Variants in CCSER1 observed in about 807,000 individuals in gnomAD.
CCSER1 encodes the protein coiled-coil serine rich protein 1.
Under a neutral mutation model 82.0 loss-of-function variants are expected in CCSER1, and 41 were observed. That is an observed-to-expected ratio of 0.50 (90% CI 0.39 to 0.65). The LOEUF is 0.65. Ranked by LOEUF, CCSER1 falls within the 30% of genes least tolerant of loss-of-function variation. The pLI is 0.00. For missense variants in CCSER1, 1,119 were observed against 1,064.2 expected (o/e 1.05, Z -0.72); for synonymous variants, 414 against 383.9 (o/e 1.08, Z -0.92).
chr4:90,801,173 A>G (rs1292253996), intron 7 of CCSER1, among the ~76,000 whole-genome samples: 3 of 152,178 alleles, frequency 2.0e-5, no homozygotes, highest in Non-Finnish European at 4.4e-5. Flanking sequence ...AACTTTTCCA[A>G]AAAATGTAGG....
intron 10 of CCSER1, among the ~76,000 whole-genome samples, chr4:91,089,235 A>T: frequency 6.6e-6 from 1 of 152,300 alleles, no homozygotes; most frequent in East Asian, 1.9e-4. Flanking sequence ...ATCAGAGTGA[A>T]ACAGAACAGA....
At chr4:91,482,230 G>A (rs6419128) in intron 10 of CCSER1, among the ~76,000 whole-genome samples, 79,810 of 139,916 alleles carry the variant, frequency 0.57, 23,206 homozygotes, top group East Asian at 0.86. Flanking sequence ...GTAAAACCCC[G>A]TCTCTACTAA....
At chr4:90,496,147 C>T (rs9994105) in intron 5 of CCSER1, among the ~76,000 whole-genome samples, 456 of 152,222 alleles carry the variant, frequency 3.0e-3, no homozygotes, top group African/African-American at 0.011. Context: ...AGCAAAACCA[C>T]GATGGATGCC....
intron 4 of CCSER1, among the ~76,000 whole-genome samples, chr4:90,437,981 C>A (rs1409709080): frequency 6.6e-6 from 1 of 152,078 alleles, no homozygotes; most frequent in Non-Finnish European, 1.5e-5. Flanking sequence ...GGGTTTACCA[C>A]TTAGTAGCTG....
At chr4:90,827,954 G>C (rs62311073) in intron 8 of CCSER1, among the ~76,000 whole-genome samples, 4 of 151,984 alleles carry the variant, frequency 2.6e-5, no homozygotes, top group Admixed American at 2.6e-4. Context: ...TTATAGGAGA[G>C]TAAATGGTTT....
intron 10 of CCSER1, among the ~76,000 whole-genome samples, chr4:91,264,822 A>T (rs1741452038): frequency 6.6e-6 from 1 of 152,034 alleles, no homozygotes; most frequent in Admixed American, 6.5e-5. Context: ...GTGGTTTGTG[A>T]AAGAAAAATC....
At chr4:90,611,183 G>A (rs1785453292) in intron 5 of CCSER1, among the ~76,000 whole-genome samples, 1 of 148,266 alleles carries the variant, frequency 6.7e-6, no homozygotes. Context: ...ACAGGCGTGA[G>A]CCACCGCGCC....
intron 6 of CCSER1, among the ~76,000 whole-genome samples, chr4:90,702,391 T>C (rs1315141917): frequency 1.3e-5 from 2 of 152,180 alleles, no homozygotes; most frequent in African/African-American, 2.4e-5. Context: ...TTATTGAGGA[T>C]TTTTTCATCG....
intron 10 of CCSER1, among the ~76,000 whole-genome samples, chr4:91,532,494 T>C (rs1761086960): frequency 6.6e-6 from 1 of 152,194 alleles, no homozygotes; most frequent in Non-Finnish European, 1.5e-5. Flanking sequence ...ATTTTCTAGA[T>C]TGAGAATAAG....
At chr4:90,623,233 A>G (rs1722677315) in intron 5 of CCSER1, among the ~76,000 whole-genome samples, 1 of 151,770 alleles carries the variant, frequency 6.6e-6, no homozygotes, top group African/African-American at 2.4e-5. Flanking sequence ...ACAGGGTTTC[A>G]GCGTGTTAAC....
intron 10 of CCSER1, among the ~76,000 whole-genome samples, chr4:91,175,307 G>A (rs1733216133): frequency 6.6e-6 from 1 of 152,096 alleles, no homozygotes. Context: ...CTTTATAGCA[G>A]CATGATTTAT....
chr4:91,568,330 G>T (rs569372939), intron 10 of CCSER1, among the ~76,000 whole-genome samples: 2 of 151,968 alleles, frequency 1.3e-5, no homozygotes, highest in Admixed American at 1.3e-4. Context: ...TGTCTTGGGG[G>T]TAATCTTCTT....
Position 91,195,321 on chromosome 4 carries a change from T to C in CCSER1, c.2217+109327T>C, listed in dbSNP as rs1173209840. On this transcript the variant is annotated intron_variant, in intron 10 of 10. Transcript: ENST00000509176. The stretch of plus-strand genomic sequence containing the variant: ...CAACATTAAAATGTTTTAAAAACAT[T>C]TGAGAGCTCCTGTTGGTAAATTCTA... Among the ~76,000 whole-genome samples, 4 of 152,218 alleles carry C rather than the reference T, an allele frequency of 2.6e-5. No individual in the cohort carries two copies. In the East Asian group the frequency reaches 7.7e-4, roughly 29 times the overall value.
intron 3 of CCSER1, among the ~76,000 whole-genome samples, chr4:90,390,555 C>A (rs954469825): frequency 3.0e-4 from 46 of 152,082 alleles, no homozygotes; most frequent in African/African-American, 9.7e-4. Flanking sequence ...TTTTCTGTTC[C>A]TGATTTAAGT....
intron 10 of CCSER1, among the ~76,000 whole-genome samples, chr4:91,483,127 T>C (rs1398002379): frequency 1.3e-5 from 2 of 151,362 alleles, no homozygotes; most frequent in African/African-American, 4.9e-5. Context: ...AAAAATTAAA[T>C]GACTTCCCAG....
intron 4 of CCSER1, among the ~76,000 whole-genome samples, chr4:90,462,936 C>A (rs1255342588): frequency 6.6e-6 from 1 of 151,926 alleles, no homozygotes; most frequent in Non-Finnish European, 1.5e-5. Context: ...AACAATAGAA[C>A]AATAAGTCAA....
At chr4:90,885,564 A>G (rs1389360928) in intron 8 of CCSER1, among the ~76,000 whole-genome samples, 1 of 152,134 alleles carries the variant, frequency 6.6e-6, no homozygotes, top group African/African-American at 2.4e-5. Flanking sequence ...TTTGGCCCTT[A>G]GAGAATAGAG....
intron 1 of CCSER1, among the ~76,000 whole-genome samples, chr4:90,178,425 C>T (rs1038966298): frequency 2.6e-5 from 4 of 151,964 alleles, no homozygotes; most frequent in Non-Finnish European, 5.9e-5. Flanking sequence ...ATTTTAACCA[C>T]ATACTTTTAT....
rs891859001 is a variant in CCSER1, at chr4:91,019,980, G to T, written c.2173-65970G>T. 2.0e-5 allele frequency among the ~76,000 whole-genome samples: 3 copies of T among 152,110 alleles called. No homozygotes were observed. In the South Asian group the frequency reaches 6.2e-4, roughly 31 times the overall value. On this transcript the variant is annotated intron_variant, in intron 9 of 10. Coordinates refer to ENST00000509176, the MANE Select transcript of CCSER1 (RefSeq NM_001145065.2). ...AGAACGTATATACTTTCAAACTGAT[G>T]ATATGTGTCAAAAATAGAAATTGTC...
Sources: gnomAD v4.1 joint callset for allele counts (sites outside exome capture counted in the v4.1 genomes callset) on GRCh38, gnomAD v4.1.1 for gene constraint, MANE v1.5 for transcripts, NCBI Gene and HGNC (gene_info 2026-07-23, HGNC 2026-07-21) for gene names.